The following PPARGC1A variants were observed in gnomAD, a reference collection of about 807,000 sequenced individuals.
The protein encoded by PPARGC1A is peroxisome proliferator-activated receptor gamma coactivator 1-alpha.
In PPARGC1A, 25 loss-of-function variants were observed where a neutral mutation model predicts 88.7. That is an observed-to-expected ratio of 0.28 (90% CI 0.21 to 0.39). PPARGC1A has a LOEUF of 0.39. Among genes scored for constraint, PPARGC1A ranks in the 10% least tolerant of loss-of-function variants. The pLI, the probability that PPARGC1A is intolerant of heterozygous loss-of-function variation, is 1.00. For synonymous variants in PPARGC1A, 363 were observed against 355.6 expected, an observed-to-expected ratio of 1.02 and a Z score of -0.24; for missense variants, 880 against 968.7, an observed-to-expected ratio of 0.91 and a Z score of 1.22.
chr4:23,949,548 A>G, the PPARGC1A span, among the ~76,000 whole-genome samples: 1 of 152,198 alleles, frequency 6.6e-6, no homozygotes, highest in African/African-American at 2.4e-5. Flanking sequence ...TAAATACGTC[A>G]TGTGATCACT....
the PPARGC1A span, among the ~76,000 whole-genome samples, chr4:24,063,083 G>A: frequency 6.6e-6 from 1 of 152,012 alleles, no homozygotes; most frequent in African/African-American, 2.4e-5. Flanking sequence ...GAGTCTTTTT[G>A]TTGTCTTTCT....
chr4:24,128,086 A>G, the PPARGC1A span, among the ~76,000 whole-genome samples: 1 of 152,076 alleles, frequency 6.6e-6, no homozygotes, highest in Admixed American at 6.6e-5. Flanking sequence ...CTCCATATAT[A>G]TCTGCGGAAA....
the PPARGC1A span, among the ~76,000 whole-genome samples, chr4:24,340,843 G>A: frequency 6.6e-6 from 1 of 151,778 alleles, no homozygotes; most frequent in Non-Finnish European, 1.5e-5. Flanking sequence ...GCTGACCACC[G>A]AACTCCCTTT....
intron 7 of PPARGC1A, among the ~76,000 whole-genome samples, chr4:23,819,202 T>G (rs1722538775): frequency 2.6e-5 from 4 of 152,038 alleles, no homozygotes. Context: ...CCTAGTGTTC[T>G]CTCCTTCTGC....
the PPARGC1A span, among the ~76,000 whole-genome samples, chr4:23,953,989 T>G: frequency 6.6e-6 from 1 of 152,060 alleles, no homozygotes; most frequent in Non-Finnish European, 1.5e-5. Context: ...AAAATAAGGC[T>G]TCTTCCCTCC....
chr4:24,380,782 G>C, the PPARGC1A span, among the ~76,000 whole-genome samples: 1 of 152,252 alleles, frequency 6.6e-6, no homozygotes, highest in South Asian at 2.1e-4. Context: ...CCCTTCCCAG[G>C]TTTCTAGACT....
chr4:23,806,792 T>C (rs1719891538), intron 10 of PPARGC1A, among the ~76,000 whole-genome samples: 1 of 152,218 alleles, frequency 6.6e-6, no homozygotes, highest in Non-Finnish European at 1.5e-5. Flanking sequence ...TCCCAGTTAC[T>C]GGAGGAAAAC....
the PPARGC1A span, among the ~76,000 whole-genome samples, chr4:24,388,373 G>C: frequency 6.6e-6 from 1 of 152,182 alleles, no homozygotes; most frequent in Non-Finnish European, 1.5e-5. Flanking sequence ...TCGTTGGTGG[G>C]AGCGTAAATT....
At chr4:24,042,000 C>T in the PPARGC1A span, among the ~76,000 whole-genome samples, 4 of 151,870 alleles carry the variant, frequency 2.6e-5, no homozygotes, top group Admixed American at 1.3e-4. Flanking sequence ...TTACTTCTTT[C>T]CGTATTTCTC....
At chr4:24,030,004 A>C in the PPARGC1A span, among the ~76,000 whole-genome samples, 1 of 152,200 alleles carries the variant, frequency 6.6e-6, no homozygotes, top group African/African-American at 2.4e-5. Context: ...CCCGTGCAAC[A>C]ATCAGCCCCC....
At chr4:24,448,832 G>A in the PPARGC1A span, among the ~76,000 whole-genome samples, 8 of 152,136 alleles carry the variant, frequency 5.3e-5, no homozygotes, top group South Asian at 2.1e-4. Flanking sequence ...GAAGGGAGGC[G>A]GGGAAACAAA....
chr4:24,369,233 A>G, the PPARGC1A span, among the ~76,000 whole-genome samples: 3 of 152,216 alleles, frequency 2.0e-5, no homozygotes, highest in South Asian at 6.2e-4. Flanking sequence ...GAACACGTAC[A>G]TCACTCTTAC....
At chr4:23,981,393 C>T in the PPARGC1A span, among the ~76,000 whole-genome samples, 2 of 152,058 alleles carry the variant, frequency 1.3e-5, no homozygotes, top group Non-Finnish European at 2.9e-5. Context: ...CATAGACAAC[C>T]ATAGGACATC....
the PPARGC1A span, among the ~76,000 whole-genome samples, chr4:24,015,632 C>T: frequency 7.2e-3 from 1,092 of 152,124 alleles, 5 homozygotes; most frequent in Non-Finnish European, 0.011. Context: ...TTCACAGTGG[C>T]GTGTGTGCGT....
At chr4:24,271,523 G>A in the PPARGC1A span, among the ~76,000 whole-genome samples, 4 of 152,032 alleles carry the variant, frequency 2.6e-5, no homozygotes, top group African/African-American at 9.7e-5. Flanking sequence ...GACTACAGGC[G>A]CCGGCCACCA....
At chr4:23,820,118 GTTGT>G (rs1457892346) in intron 7 of PPARGC1A, among the ~76,000 whole-genome samples, 1 of 152,110 alleles carries the variant, frequency 6.6e-6, no homozygotes, top group Admixed American at 6.6e-5. Flanking sequence ...GTATTTTGTT[GTTGT>G]TTATTTGTGA....
chr4:24,464,054 C>G, the PPARGC1A span, among the ~76,000 whole-genome samples: 5 of 152,184 alleles, frequency 3.3e-5, no homozygotes, highest in African/African-American at 1.2e-4. Flanking sequence ...CTGGTTGCAA[C>G]ATTAAATAAT....
the PPARGC1A span, among the ~76,000 whole-genome samples, chr4:24,082,741 C>G: frequency 6.6e-6 from 1 of 152,070 alleles, no homozygotes; most frequent in African/African-American, 2.4e-5. Context: ...CCTTAGCCAT[C>G]ATCAGCATAA....
chr4:24,394,815 G>A, the PPARGC1A span, among the ~76,000 whole-genome samples: 45 of 152,140 alleles, frequency 3.0e-4, no homozygotes, highest in Non-Finnish European at 5.7e-4. Flanking sequence ...CTTGTAAGAA[G>A]CATCCAATTT....
Sources: allele counts gnomAD v4.1 joint callset (sites outside exome capture counted in the v4.1 genomes callset), GRCh38; gene constraint gnomAD v4.1.1; transcripts MANE v1.5; gene names NCBI Gene and HGNC (gene_info 2026-07-23, HGNC 2026-07-21).